Variants in LINGO2 observed in about 807,000 individuals in gnomAD.
LINGO2 encodes the protein leucine-rich repeat and immunoglobulin-like domain-containing nogo receptor-interacting protein 2.
LINGO2 carries 14 observed loss-of-function variants against 30.6 expected under a neutral mutation model. That is an observed-to-expected ratio of 0.46 (90% CI 0.30 to 0.72). LINGO2 has a LOEUF of 0.72. LINGO2 is among the 30% of genes least tolerant of loss of function. The pLI is 0.07. For missense variants in LINGO2, 729 were observed against 751.7 expected (o/e 0.97, Z 0.35); for synonymous variants, 317 against 288.5 (o/e 1.10, Z -1.00).
At chr9:28,349,835 G>A (rs898057605) in intron 3 of LINGO2, among the ~76,000 whole-genome samples, 1 of 152,072 alleles carries the variant, frequency 6.6e-6, no homozygotes, top group African/African-American at 2.4e-5. Flanking sequence ...AGAGACTGGG[G>A]GCCGATATTC....
At chr9:28,948,546 T>G in the LINGO2 span, among the ~76,000 whole-genome samples, 1 of 152,090 alleles carries the variant, frequency 6.6e-6, no homozygotes, top group Non-Finnish European at 1.5e-5. Flanking sequence ...TATATGCACA[T>G]GCACATACAC....
At chr9:28,149,462 C>CACCCCTGACTCCCCTCAGCCATAGAA (rs1827922096) in intron 4 of LINGO2, among the ~76,000 whole-genome samples, 1 of 150,826 alleles carries the variant, frequency 6.6e-6, no homozygotes, top group African/African-American at 2.4e-5. Context: ...CGCCTCTGCC[C>CACCCCTGACTCCCCTCAGCCATAGAA]GGCCCCCGCC....
the LINGO2 span, among the ~76,000 whole-genome samples, chr9:29,074,292 T>G: frequency 6.9e-6 from 1 of 144,756 alleles, no homozygotes; most frequent in Non-Finnish European, 1.5e-5. Context: ...CATTATATAT[T>G]GATGTCTTAT....
At chr9:28,242,942 C>A (rs1821853725) in intron 4 of LINGO2, among the ~76,000 whole-genome samples, 1 of 152,100 alleles carries the variant, frequency 6.6e-6, no homozygotes, top group Non-Finnish European at 1.5e-5. Context: ...TCGTCATTAC[C>A]AGGCCTGCCT....
At chr9:28,858,116 C>T in the LINGO2 span, among the ~76,000 whole-genome samples, 2 of 151,872 alleles carry the variant, frequency 1.3e-5, no homozygotes, top group Admixed American at 1.3e-4. Context: ...TCAGGACCTG[C>T]CCTCTGTGGT....
intron 2 of LINGO2, among the ~76,000 whole-genome samples, chr9:28,465,524 C>A (rs1005545383): frequency 6.6e-6 from 1 of 152,256 alleles, no homozygotes; most frequent in African/African-American, 2.4e-5. Context: ...GAAGTTCTCA[C>A]TTAGGGCCAC....
chr9:28,804,304 C>T, the LINGO2 span, among the ~76,000 whole-genome samples: 1 of 152,132 alleles, frequency 6.6e-6, no homozygotes, highest in African/African-American at 2.4e-5. Context: ...AAGTTGATGT[C>T]CATCGAAAGG....
At chr9:28,034,277 G>C (rs763218724) in intron 4 of LINGO2, among the ~76,000 whole-genome samples, 1 of 152,178 alleles carries the variant, frequency 6.6e-6, no homozygotes, top group Non-Finnish European at 1.5e-5. Context: ...GCTGTGAAGG[G>C]CAGAAGAAAG....
the LINGO2 span, among the ~76,000 whole-genome samples, chr9:29,206,297 T>A: frequency 3.9e-5 from 6 of 152,194 alleles, no homozygotes; most frequent in East Asian, 5.8e-4. Context: ...GCATTTGTAA[T>A]TTAATATATA....
At chr9:28,275,943 C>T (rs1420764699) in intron 4 of LINGO2, among the ~76,000 whole-genome samples, 1 of 152,108 alleles carries the variant, frequency 6.6e-6, no homozygotes, top group Non-Finnish European at 1.5e-5. Context: ...ATCATTTGAT[C>T]TGGAGTTCTG....
chr9:29,101,389 C>A, the LINGO2 span, among the ~76,000 whole-genome samples: 3 of 152,144 alleles, frequency 2.0e-5, no homozygotes, highest in African/African-American at 2.4e-5. Context: ...CATAGACATA[C>A]AAATTTAATT....
chr9:28,000,156 C>T (rs559456313), intron 5 of LINGO2, among the ~76,000 whole-genome samples: 3 of 152,180 alleles, frequency 2.0e-5, no homozygotes, highest in Non-Finnish European at 4.4e-5. Flanking sequence ...ACCGAAGAAG[C>T]TCTATGGAGG....
chr9:28,980,506 TG>T, the LINGO2 span, among the ~76,000 whole-genome samples: 1 of 152,062 alleles, frequency 6.6e-6, no homozygotes, highest in African/African-American at 2.4e-5. Context: ...GAGAAGAGTT[TG>T]TTAATTTCCT....
At chr9:27,988,853 A>G (rs1172091146) in intron 5 of LINGO2, among the ~76,000 whole-genome samples, 1 of 151,836 alleles carries the variant, frequency 6.6e-6, no homozygotes, top group African/African-American at 2.4e-5. Flanking sequence ...TGTCTTTCTC[A>G]TACCACCCTC....
the LINGO2 span, among the ~76,000 whole-genome samples, chr9:28,992,750 G>A: frequency 6.6e-6 from 1 of 152,166 alleles, no homozygotes; most frequent in Admixed American, 6.5e-5. Context: ...TGAACAACCT[G>A]CTCCTGAGTG....
chr9:29,196,808 G>T, the LINGO2 span, among the ~76,000 whole-genome samples: 1 of 151,908 alleles, frequency 6.6e-6, no homozygotes, highest in East Asian at 1.9e-4. Flanking sequence ...TTCTGGGCTG[G>T]GGCTGAGAAA....
the LINGO2 span, among the ~76,000 whole-genome samples, chr9:28,721,317 C>T: frequency 6.6e-6 from 1 of 151,952 alleles, no homozygotes; most frequent in Non-Finnish European, 1.5e-5. Flanking sequence ...GGGTATATAC[C>T]CAAAGGATTA....
chr9:28,565,132 T>A (rs114653127), intron 1 of LINGO2, among the ~76,000 whole-genome samples: 2,365 of 152,240 alleles, frequency 0.016, 58 homozygotes, highest in African/African-American at 0.053. Context: ...CTTCTGAAAT[T>A]TTTTTGAGTT....
chr9:28,881,943 T>C, the LINGO2 span, among the ~76,000 whole-genome samples: 1 of 152,246 alleles, frequency 6.6e-6, no homozygotes, highest in Non-Finnish European at 1.5e-5. Context: ...CTATTGTCTT[T>C]TCATTTTCAG....
Sources: gnomAD v4.1 joint callset for allele counts (sites outside exome capture counted in the v4.1 genomes callset) on GRCh38, gnomAD v4.1.1 for gene constraint, MANE v1.5 for transcripts, NCBI Gene and HGNC (gene_info 2026-07-23, HGNC 2026-07-21) for gene names.